TTLL5: variants seen among roughly 807,000 people sequenced by gnomAD.
TTLL5 encodes tubulin polyglutamylase TTLL5.
A neutral mutation model predicts 168.4 loss-of-function variants in TTLL5; 132 were observed. The ratio of observed to expected loss-of-function variants is 0.78; its 90% confidence interval spans 0.68 to 0.91. The LOEUF (loss-of-function observed/expected upper bound fraction) is 0.91, where lower values mean the gene tolerates loss of function less well. Among genes scored for constraint, TTLL5 ranks in the 40% least tolerant of loss-of-function variants. TTLL5 has a pLI of 0.00. For synonymous variants in TTLL5, 546 were observed against 558.6 expected, an observed-to-expected ratio of 0.98 and a Z score of 0.32; for missense variants, 1,545 against 1,581.5, an observed-to-expected ratio of 0.98 and a Z score of 0.39.
At chr14:75,893,972 C>T (rs1003319012) in intron 30 of TTLL5, among the ~76,000 whole-genome samples, 3 of 151,880 alleles carry the variant, frequency 2.0e-5, no homozygotes, top group Non-Finnish European at 4.4e-5. Flanking sequence ...CAATGAAATA[C>T]AACAAATCCG....
intron 27 of TTLL5, among the ~76,000 whole-genome samples, chr14:75,797,264 A>C (rs1477923948): frequency 6.6e-6 from 1 of 152,114 alleles, no homozygotes; most frequent in Admixed American, 6.5e-5. Flanking sequence ...ATTTGTGTAC[A>C]TTGATTTTGT....
chr14:75,770,604 G>A (rs1891246044), intron 20 of TTLL5, among the ~76,000 whole-genome samples: 1 of 152,204 alleles, frequency 6.6e-6, no homozygotes, highest in Non-Finnish European at 1.5e-5. Flanking sequence ...AAACAGATCT[G>A]CCATGAACAG....
At chr14:75,860,261 C>T (rs1362302631) in intron 28 of TTLL5, among the ~76,000 whole-genome samples, 1 of 152,172 alleles carries the variant, frequency 6.6e-6, no homozygotes, top group Non-Finnish European at 1.5e-5. Context: ...CACCTGCAAA[C>T]CTGTCCATGA....
chr14:75,739,510 T>C (rs1889116970), intron 15 of TTLL5, among the ~76,000 whole-genome samples: 1 of 152,228 alleles, frequency 6.6e-6, no homozygotes, highest in African/African-American at 2.4e-5. Context: ...TTTTCTGCCT[T>C]TTCCTTTTTA....
chr14:75,838,143 C>G (rs781689300), intron 28 of TTLL5: 2 of 152,240 alleles, frequency 1.3e-5, no homozygotes, highest in Non-Finnish European at 2.9e-5. Context: ...GAGTTGGAGC[C>G]TGCATCCTTT....
At chr14:75,728,304 C>T (rs1034000343) in intron 12 of TTLL5, among the ~76,000 whole-genome samples, 9 of 147,874 alleles carry the variant, frequency 6.1e-5, no homozygotes, top group South Asian at 2.1e-4. Context: ...TGCAGCGAGC[C>T]GATATTACAC....
At chr14:75,827,815 G>A (rs1437444824) in intron 28 of TTLL5, among the ~76,000 whole-genome samples, 3 of 141,020 alleles carry the variant, frequency 2.1e-5, no homozygotes, top group Non-Finnish European at 4.5e-5. Flanking sequence ...TGCCTCCTCA[G>A]GCTCAAGCGA....
At chr14:75,830,750 A>T (rs2360035) in intron 28 of TTLL5, among the ~76,000 whole-genome samples, 75,429 of 152,074 alleles carry the variant, frequency 0.5, 23,050 homozygotes, top group Non-Finnish European at 0.66. Flanking sequence ...TCATTATTGT[A>T]TCCCAGTGCC....
Position 75,683,533 on chromosome 14 carries a change from T to C in TTLL5, c.265-17T>C, listed in dbSNP as rs756125658. On this transcript the variant is annotated splice_polypyrimidine_tract_variant and intron_variant, in intron 4 of 31. Transcript: ENST00000298832. ...TCTGATGTTTTTTTGCCTTCTTGTC[T>C]TTCTGTCTGCCCTCAGGTTCACCCA... 6.2e-7 allele frequency: 1 copy of C among 1,601,354 alleles called. No individual in the cohort carries two copies. The highest frequency in any genetic ancestry group is 2.2e-5 in the East Asian group (1 of 44,808).
At chr14:75,737,574 A>G in intron 15 of TTLL5, 1 of 1,535,756 alleles carries the variant, frequency 6.5e-7, no homozygotes, top group Non-Finnish European at 8.7e-7. Flanking sequence ...AGCGTCCAGT[A>G]TCTGCACAGT....
At position 75,663,124 on chromosome 14, in the gene TTLL5, T is replaced by C. The variant is rs369669420; in HGVS notation, c.-26T>C. ...AAAGGTCTCTGAGGCCCCCGTCTGC[T>C]GACTGCATGACAAACCCTAAAGGAA... On this transcript the variant is annotated 5_prime_UTR_variant, in exon 2 of 32. It removes the in-frame stop codon of an upstream open reading frame in the 5' UTR. Coordinates refer to ENST00000298832, the MANE Select transcript of TTLL5 (RefSeq NM_015072.5). 10 of 1,611,210 alleles carry C rather than the reference T, an allele frequency of 6.2e-6. No individual in the cohort carries two copies. The African/African-American group carries it at 1.3e-4, about 22-fold the overall frequency.
intron 20 of TTLL5, among the ~76,000 whole-genome samples, chr14:75,767,055 C>T (rs1256339972): frequency 2.6e-5 from 4 of 151,684 alleles, no homozygotes; most frequent in Admixed American, 1.3e-4. Flanking sequence ...CCCAGCTACT[C>T]GGGAGGATGA....
Position 75,850,897 on chromosome 14 carries a change from C to CCT in TTLL5, c.3327-12769_3327-12768insTC, listed in dbSNP as rs1221260630. Among the ~76,000 whole-genome samples, 6 of 151,872 alleles carry CCT rather than the reference C, an allele frequency of 4.0e-5. No homozygotes were observed. The East Asian group carries it at 9.6e-4, about 24-fold the overall frequency. On this transcript the variant is annotated intron_variant, in intron 28 of 31. Coordinates refer to ENST00000298832, the MANE Select transcript of TTLL5 (RefSeq NM_015072.5). ...CTGCGGTGAGTCCAGGAGTTCAAGACCAGCCTGGGCAACGTAGTGAGACCT... is the reference window on the plus strand; with the variant it reads ...CTGCGGTGAGTCCAGGAGTTCAAGACCTCAGCCTGGGCAACGTAGTGAGACCT...
At chr14:75,865,250 G>C (rs1476070499) in intron 29 of TTLL5, among the ~76,000 whole-genome samples, 1 of 150,132 alleles carries the variant, frequency 6.7e-6, no homozygotes, top group African/African-American at 2.5e-5. Flanking sequence ...AGATACAAAT[G>C]TGTGTCTTAG....
intron 30 of TTLL5, among the ~76,000 whole-genome samples, chr14:75,897,417 A>G (rs1451651780): frequency 3.9e-5 from 6 of 152,100 alleles, no homozygotes; most frequent in Non-Finnish European, 4.4e-5. Context: ...AAGTGGCTAA[A>G]TTAATCAGGC....
At chr14:75,902,810 A>G (rs915799399) in intron 31 of TTLL5, among the ~76,000 whole-genome samples, 1 of 152,248 alleles carries the variant, frequency 6.6e-6, no homozygotes, top group Non-Finnish European at 1.5e-5. Context: ...ATTAATAAAA[A>G]TGAACTATTA....
chr14:75,900,253 C>T (rs1196375248), intron 30 of TTLL5, among the ~76,000 whole-genome samples: 7 of 152,160 alleles, frequency 4.6e-5, no homozygotes, highest in African/African-American at 1.7e-4. Flanking sequence ...CCTTTCTCTC[C>T]TGCCTCTGTG....
At chr14:75,739,883 A>C (rs1388139385) in intron 15 of TTLL5, among the ~76,000 whole-genome samples, 3 of 152,202 alleles carry the variant, frequency 2.0e-5, no homozygotes, top group African/African-American at 4.8e-5. Context: ...CCCATTGTCA[A>C]GATCTCTTGT....
intron 28 of TTLL5, among the ~76,000 whole-genome samples, chr14:75,835,875 T>C (rs969534505): frequency 3.3e-5 from 5 of 152,160 alleles, no homozygotes; most frequent in African/African-American, 1.2e-4. Context: ...AAATGGCTTA[T>C]ATCCAAAAGA....
Sources: gnomAD v4.1 joint callset for allele counts (sites outside exome capture counted in the v4.1 genomes callset) on GRCh38, gnomAD v4.1.1 for gene constraint, MANE v1.5 for transcripts, NCBI Gene and HGNC (gene_info 2026-07-23, HGNC 2026-07-21) for gene names.